The following FRMD4A variants were observed in gnomAD, a reference collection of about 807,000 sequenced individuals.
FRMD4A encodes FERM domain containing 4A.
Under a neutral mutation model 129.1 loss-of-function variants are expected in FRMD4A, and 29 were observed. The ratio of observed to expected loss-of-function variants is 0.22; its 90% CI spans 0.17 to 0.31. The LOEUF (loss-of-function observed/expected upper bound fraction) is 0.31. Ranked by LOEUF, FRMD4A falls within the 10% of genes least tolerant of loss-of-function variation. The pLI, the probability that FRMD4A is intolerant of heterozygous loss-of-function variation, is 1.00. For missense variants in FRMD4A, 1,272 were observed against 1,375.8 expected, an observed-to-expected ratio of 0.92 and a Z score of 1.19; for synonymous variants, 634 against 571.6, an observed-to-expected ratio of 1.11 and a Z score of -1.56.
chr10:13,867,700 T>TG (rs2094386882), intron 2 of FRMD4A, among the ~76,000 whole-genome samples: 1 of 5,568 alleles, frequency 1.8e-4, no homozygotes, highest in African/African-American at 2.7e-4. Context: ...TAATATAATA[T>TG]ATAATAAATA....
At chr10:14,037,302 C>T (rs1308896530) in intron 2 of FRMD4A, among the ~76,000 whole-genome samples, 1 of 152,228 alleles carries the variant, frequency 6.6e-6, no homozygotes, top group Non-Finnish European at 1.5e-5. Context: ...GCAGTACACT[C>T]TGCCTCCAGG....
intron 8 of FRMD4A, among the ~76,000 whole-genome samples, chr10:13,748,757 G>A (rs1055438403): frequency 5.3e-5 from 8 of 152,136 alleles, no homozygotes; most frequent in Non-Finnish European, 7.4e-5. Context: ...GCTTATTGGA[G>A]CACTTTGGAT....
At chr10:14,305,787 T>C (rs1383672788) in intron 2 of FRMD4A, among the ~76,000 whole-genome samples, 3 of 152,206 alleles carry the variant, frequency 2.0e-5, no homozygotes, top group African/African-American at 7.2e-5. Flanking sequence ...CAGGGAATAC[T>C]ATGCTGCCAT....
chr10:13,784,760 G>A (rs1317596055), intron 5 of FRMD4A, among the ~76,000 whole-genome samples: 1 of 152,092 alleles, frequency 6.6e-6, no homozygotes, highest in African/African-American at 2.4e-5. Flanking sequence ...AGGCTGAGGT[G>A]GGGGGAATCA....
chr10:14,307,716 GAC>G (rs1450550721), intron 2 of FRMD4A, among the ~76,000 whole-genome samples: 4 of 152,206 alleles, frequency 2.6e-5, no homozygotes, highest in African/African-American at 9.7e-5. Context: ...ATACCCCACA[GAC>G]AGTTTTTGTC....
intron 2 of FRMD4A, among the ~76,000 whole-genome samples, chr10:14,283,430 C>T (rs371204171): frequency 1.3e-4 from 19 of 151,764 alleles, no homozygotes; most frequent in African/African-American, 4.1e-4. Flanking sequence ...ATTATTTTAC[C>T]CTCTATATCC....
At chr10:13,692,956 AG>A (rs201697549) in intron 15 of FRMD4A, 9,312 of 151,582 alleles carry the variant, frequency 0.061, 382 homozygotes, top group African/African-American at 0.12. Flanking sequence ...CTCAACCTCC[AG>A]GGTTCAGTGA....
intron 2 of FRMD4A, among the ~76,000 whole-genome samples, chr10:14,049,729 C>T (rs111829535): frequency 0.045 from 6,801 of 152,158 alleles, 295 homozygotes; most frequent in African/African-American, 0.12. Flanking sequence ...GTGGCGCTCG[C>T]CTAGAATCGC....
At chr10:14,012,971 G>C (rs1454101525) in intron 2 of FRMD4A, among the ~76,000 whole-genome samples, 2 of 152,104 alleles carry the variant, frequency 1.3e-5, no homozygotes, top group African/African-American at 2.4e-5. Flanking sequence ...GTTTCAGCTG[G>C]GGACGTGACT....
intron 2 of FRMD4A, among the ~76,000 whole-genome samples, chr10:13,908,781 C>T (rs2698132): frequency 0.65 from 98,536 of 152,060 alleles, 32,254 homozygotes; most frequent in East Asian, 0.72. Context: ...AGTAGCATTG[C>T]CAGAGAAAAG....
At chr10:14,024,533 T>C (rs1287731798) in intron 2 of FRMD4A, among the ~76,000 whole-genome samples, 3 of 152,212 alleles carry the variant, frequency 2.0e-5, no homozygotes, top group Admixed American at 6.5e-5. Context: ...TTGCCACTAA[T>C]GGGAAGTAGA....
chr10:13,686,328 G>A (rs545254432), intron 15 of FRMD4A, among the ~76,000 whole-genome samples: 1 of 152,246 alleles, frequency 6.6e-6, no homozygotes, highest in Non-Finnish European at 1.5e-5. Flanking sequence ...TCAGCGCAAG[G>A]CAGTGAATTC....
chr10:13,645,397 G>T lies in FRMD4A; in HGVS notation c.*1641C>A. ...CCCCACCACTTGCGCCAAAAGCACA[G>T]CATACCACCTCTGCGGAAACCTTTT... On this transcript the variant is annotated 3_prime_UTR_variant, in exon 25 of 25. Transcript: ENST00000357447. The T allele has an allele frequency of 7.7e-6, 1 of 129,250 alleles. No individual in the cohort carries two copies. Among genetic ancestry groups the T allele is most frequent in the Non-Finnish European group, 1.6e-5 (1 of 63,676 alleles). 8.0% of individuals were successfully genotyped at this position (129,250 alleles called of 1,614,324 possible). A position where few individuals can be genotyped will look rare whatever the true frequency, so the allele number is the denominator to read the frequency against.
chr10:14,213,054 T>C (rs575871946), intron 2 of FRMD4A, among the ~76,000 whole-genome samples: 4 of 151,942 alleles, frequency 2.6e-5, no homozygotes, highest in Non-Finnish European at 5.9e-5. Context: ...TGTGGCAACG[T>C]AGTGAGATCC....
At chr10:14,101,606 G>A (rs971594636) in intron 2 of FRMD4A, among the ~76,000 whole-genome samples, 1 of 152,174 alleles carries the variant, frequency 6.6e-6, no homozygotes, top group Admixed American at 6.5e-5. Context: ...GAAGAAAGGA[G>A]AAGAAAAGAA....
At position 14,141,458 on chromosome 10, in the gene FRMD4A, A is replaced by G. The variant is rs145653587; in HGVS notation, c.45+188600T>C. 3.6e-3 allele frequency among the ~76,000 whole-genome samples: 554 copies of G among 152,274 alleles called. 3 individuals carry two copies. The highest frequency in any genetic ancestry group is 6.8e-3 in the Middle Eastern group (2 of 294). ...TGATTTTATATAGGATGTATGTGACATCATGCAATGTCATGAGACATCATG... is the reference window on the plus strand; with the variant it reads ...TGATTTTATATAGGATGTATGTGACGTCATGCAATGTCATGAGACATCATG... On this transcript the variant is annotated intron_variant, in intron 2 of 24. Transcript: ENST00000357447.
At chr10:14,292,482 C>A (rs998652450) in intron 2 of FRMD4A, among the ~76,000 whole-genome samples, 1 of 152,196 alleles carries the variant, frequency 6.6e-6, no homozygotes, top group Non-Finnish European at 1.5e-5. Flanking sequence ...CAAAATACAT[C>A]CCTGGTGAAT....
intron 2 of FRMD4A, among the ~76,000 whole-genome samples, chr10:14,263,614 C>T (rs895258933): frequency 6.6e-6 from 1 of 152,134 alleles, no homozygotes; most frequent in Non-Finnish European, 1.5e-5. Context: ...CAGAAAGATG[C>T]TGCTGGGACT....
At chr10:14,018,603 G>A (rs540895332) in intron 2 of FRMD4A, among the ~76,000 whole-genome samples, 104 of 152,206 alleles carry the variant, frequency 6.8e-4, no homozygotes, top group Non-Finnish European at 1.2e-3. Flanking sequence ...TCCAATCTGA[G>A]TTTTGGGGAC....
Sources: gnomAD v4.1 joint callset for allele counts (sites outside exome capture counted in the v4.1 genomes callset) on GRCh38, gnomAD v4.1.1 for gene constraint, MANE v1.5 for transcripts, NCBI Gene and HGNC (gene_info 2026-07-23, HGNC 2026-07-21) for gene names.